The following PCLO variants were observed in gnomAD, a reference collection of about 807,000 sequenced individuals.
The protein encoded by PCLO is protein piccolo.
PCLO carries 82 observed loss-of-function variants against 427.5 expected under a neutral mutation model. The observed-to-expected ratio is 0.19, with a 90% CI of 0.16 to 0.23. The LOEUF is 0.23. Among genes scored for constraint, PCLO ranks in the 10% least tolerant of loss-of-function variants. The probability of loss-of-function intolerance (pLI) is 1.00; values close to 1 mark genes in which losing one functional copy is unlikely to be tolerated. For missense variants in PCLO, 6,239 were observed against 6,115.9 expected, an observed-to-expected ratio of 1.02 and a Z score of -0.67; for synonymous variants, 2,357 against 2,155.4, an observed-to-expected ratio of 1.09 and a Z score of -2.59.
At chr7:82,879,283 G>A (rs1793444310) in intron 10 of PCLO, 54 bp downstream of exon 10, 1 of 1,396,114 alleles carries the variant, frequency 7.2e-7, no homozygotes, top group Non-Finnish European at 9.9e-7. Context: ...AAATTAAAAT[G>A]TATTTAATAT....
chr7:83,144,931 T>C (rs1267033402), intron 2 of PCLO, among the ~76,000 whole-genome samples: 1 of 152,170 alleles, frequency 6.6e-6, no homozygotes, highest in Admixed American at 6.5e-5. Flanking sequence ...AATGCTTACT[T>C]TGCTGAACAA....
chr7:82,949,965 T>G lies in PCLO; in HGVS notation c.10623A>C (p.Ala3541=). 6.2e-7 allele frequency: 1 copy of G among 1,613,616 alleles called. No individual in the cohort carries two copies. The highest frequency in any genetic ancestry group is 8.5e-7 in the Non-Finnish European group (1 of 1,179,800). The change falls in exon 6 of 25, where the codon GCA becomes GCC. Residue 3541 remains alanine, a synonymous_variant. Transcript: ENST00000333891. ...VGTIRTPSIR[A]RVDAKVEIIK... is the part of the protein sequence containing the mutation. ...TTATTTCTACCTTGGCATCCACTCG[T>G]GCCCGTATGGAGGGTGTTCTTATGG... is the stretch of plus-strand genomic sequence containing the variant.
chr7:82,965,708 C>T, intron 4 of PCLO, 63 bp downstream of exon 4: 9 of 1,121,718 alleles, frequency 8.0e-6, no homozygotes, highest in Non-Finnish European at 1.2e-5. Context: ...AACTTGTATA[C>T]TTAGGTTAAA....
Position 82,835,705 on chromosome 7 carries a change from C to T in PCLO, c.14223-12G>A. 1 of 1,606,850 alleles carries T rather than the reference C, an allele frequency of 6.2e-7. No homozygotes were observed. The highest frequency in any genetic ancestry group is 8.5e-7 in the Non-Finnish European group (1 of 1,175,630). ...CAACCATGACTTGACTGCATTGATT[C>T]CAAGAGCGAGAGTGAAGGGGTAAAA... On this transcript the variant is annotated splice_polypyrimidine_tract_variant and intron_variant, in intron 15 of 24. Coordinates refer to ENST00000333891, the MANE Select transcript of PCLO (RefSeq NM_033026.6).
chr7:83,069,178 T>C (rs1446376861), intron 3 of PCLO, among the ~76,000 whole-genome samples: 3 of 152,192 alleles, frequency 2.0e-5, no homozygotes, highest in Non-Finnish European at 4.4e-5. Context: ...CAGTTGTCTC[T>C]GAATATACAT....
At chr7:83,050,808 G>A (rs1201772768) in intron 3 of PCLO, among the ~76,000 whole-genome samples, 1 of 151,728 alleles carries the variant, frequency 6.6e-6, no homozygotes, top group Admixed American at 6.6e-5. Flanking sequence ...AGCTACTCAG[G>A]AGGCTAAAAC....
At chr7:83,126,362 TACTAAA>T (rs1380135479) in intron 3 of PCLO, among the ~76,000 whole-genome samples, 3 of 152,032 alleles carry the variant, frequency 2.0e-5, no homozygotes, top group Admixed American at 6.6e-5. Context: ...ATTTCAAAAT[TACTAAA>T]AGAGTGACAT....
intron 3 of PCLO, among the ~76,000 whole-genome samples, chr7:83,094,823 C>A (rs1339679602): frequency 2.6e-5 from 4 of 152,076 alleles, no homozygotes; most frequent in Non-Finnish European, 5.9e-5. Context: ...AAACTGTCTT[C>A]TAGAGAGTAT....
At chr7:83,064,189 TAAACACTTAA>T (rs1789607626) in intron 3 of PCLO, among the ~76,000 whole-genome samples, 1 of 151,860 alleles carries the variant, frequency 6.6e-6, no homozygotes, top group Non-Finnish European at 1.5e-5. Flanking sequence ...CACAGGAAAA[TAAACACTTAA>T]ATATACCATA....
Position 83,071,360 on chromosome 7 carries a change from A to G in PCLO, c.3300+62890T>C, listed in dbSNP as rs537661798. 4.6e-5 allele frequency among the ~76,000 whole-genome samples: 7 copies of G among 152,252 alleles called. No homozygotes were observed. In the South Asian group the frequency reaches 1.4e-3, roughly 32 times the overall value. On this transcript the variant is annotated intron_variant, in intron 3 of 24. Coordinates refer to ENST00000333891, the MANE Select transcript of PCLO (RefSeq NM_033026.6). ...GTTATATCTTCTTATATGCGGTACT[A>G]TTTTCTTTCCATATAATGGTTGTTA...
chr7:82,761,208 G>A, intron 23 of PCLO, 151 bp downstream of exon 23: 1 of 546,120 alleles, frequency 1.8e-6, no homozygotes, highest in Non-Finnish European at 3.2e-6. Context: ...GCTAAAAACT[G>A]AAAGAAAACA....
At chr7:83,046,582 C>G (rs1789108297) in intron 3 of PCLO, among the ~76,000 whole-genome samples, 1 of 151,984 alleles carries the variant, frequency 6.6e-6, no homozygotes, top group African/African-American at 2.4e-5. Flanking sequence ...GCTTTTGGAT[C>G]TTAATACTAT....
Position 83,155,724 on chromosome 7 carries a change from A to G in PCLO, c.917T>C (p.Ile306Thr), listed in dbSNP as rs369034560. 1.9e-6 allele frequency: 3 copies of G among 1,613,820 alleles called. No homozygotes were observed. The African/African-American group carries it at 4.0e-5, about 22-fold the overall frequency. Reference protein sequence around the residue: ...PSLPSPSKPPIQQPTPGKPPA... With the variant: ...PSLPSPSKPPTQQPTPGKPPA... Reference sequence around the variant, plus strand: ...AGGTTTTCCAGGAGTTGGTTGCTGAATAGGTGGTTTGGATGGGCTTGGCAG... The same window carrying G: ...AGGTTTTCCAGGAGTTGGTTGCTGAGTAGGTGGTTTGGATGGGCTTGGCAG... The change falls in exon 2 of 25, where the codon ATT becomes ACT. Residue 306 changes from isoleucine to threonine, a missense_variant. Physicochemically the swap from Ile to Thr is moderately conservative, Grantham distance 89. This residue lies in a region of PCLO where 4,677 missense variants were observed against 4,468.4 expected (regional missense o/e 1.05). Coordinates refer to ENST00000333891, the MANE Select transcript of PCLO (RefSeq NM_033026.6).
rs1299446036 is a variant in PCLO at position 82,755,215 on chromosome 7, A to G, written c.*3360T>C. Reference sequence around the variant, plus strand: ...ACTATTTAAATGTGTGTGATCCACAAAATTAATTCCACTGGTATGCTGAAA... The same window carrying G: ...ACTATTTAAATGTGTGTGATCCACAGAATTAATTCCACTGGTATGCTGAAA... On this transcript the variant is annotated 3_prime_UTR_variant, in exon 25 of 25. Transcript: ENST00000333891. The G allele has an allele frequency of 6.6e-6, 1 of 152,110 alleles. No homozygotes were observed. The highest frequency in any genetic ancestry group is 2.4e-5 in the African/African-American group (1 of 41,436). 9.4% of individuals were successfully genotyped at this position (152,110 alleles called of 1,614,324 possible). A position where few individuals can be genotyped will look rare whatever the true frequency, so the allele number is the denominator to read the frequency against.
intron 3 of PCLO, among the ~76,000 whole-genome samples, chr7:83,101,012 C>T (rs1215990167): frequency 6.6e-6 from 1 of 151,788 alleles, no homozygotes; most frequent in African/African-American, 2.4e-5. Context: ...AATACTTAGC[C>T]ATTTTATAAA....
Position 82,954,699 on chromosome 7 carries a change from G to A in PCLO, c.6254C>T (p.Ala2085Val). The change falls in exon 5 of 25, where the codon GCC becomes GTC. Residue 2085 changes from alanine to valine, a missense_variant. Ala to Val is a moderately conservative substitution (Grantham distance 64, BLOSUM62 0). Around this residue, in one of 5 missense-constraint regions of PCLO, gnomAD observed 4,677 missense variants for 4,468.4 expected, o/e 1.05. Transcript: ENST00000333891. ...CTCTGTCATATCCTCACCAATGGGG[G>A]CCTGGGTTGGGCTAGATCCAGGTGT... ...QLTPGSSPTQ[A>V]PIGEDMTEST... The A allele has an allele frequency of 1.9e-6, 3 of 1,613,858 alleles. No individual in the cohort carries two copies. The highest frequency in any genetic ancestry group is 2.2e-5 in the South Asian group (2 of 91,076).
intron 7 of PCLO, among the ~76,000 whole-genome samples, chr7:82,909,516 C>G (rs1183936117): frequency 6.6e-6 from 1 of 151,922 alleles, no homozygotes; most frequent in Non-Finnish European, 1.5e-5. Context: ...GCACATGTAT[C>G]CCAGAACTTA....
rs1790274422 is a variant in PCLO, at chr7:82,754,350, G to A, written c.*4225C>T. 6.6e-6 allele frequency: 1 copy of A among 151,978 alleles called. No homozygotes were observed. The highest frequency in any genetic ancestry group is 2.4e-5 in the African/African-American group (1 of 41,422). 9.4% of individuals were successfully genotyped at this position (151,978 alleles called of 1,614,324 possible). A position where few individuals can be genotyped will look rare whatever the true frequency, so the allele number is the denominator to read the frequency against. On this transcript the variant is annotated 3_prime_UTR_variant, in exon 25 of 25. Transcript: ENST00000333891. Reference sequence around the variant, plus strand: ...ACAAGACATATCTTCAAGTACTTTAGTTTTTATTTCAAAATCAGTTTTATT... The same window carrying A: ...ACAAGACATATCTTCAAGTACTTTAATTTTTATTTCAAAATCAGTTTTATT...
intron 10 of PCLO, among the ~76,000 whole-genome samples, chr7:82,863,199 A>T (rs1232854561): frequency 6.6e-6 from 1 of 152,050 alleles, no homozygotes; most frequent in Non-Finnish European, 1.5e-5. Flanking sequence ...GGAGTCAATT[A>T]TACTACATGA....
Sources: allele counts gnomAD v4.1 joint callset (sites outside exome capture counted in the v4.1 genomes callset), GRCh38; gene constraint gnomAD v4.1.1; regional missense constraint gnomAD v4.1.1; transcripts MANE v1.5; gene names NCBI Gene and HGNC (gene_info 2026-07-23, HGNC 2026-07-21).